RORA: variants seen among roughly 807,000 people sequenced by gnomAD.
RORA encodes nuclear receptor ROR-alpha.
RORA carries 7 observed loss-of-function variants against 69.5 expected under a neutral mutation model. That is an observed-to-expected ratio of 0.10 (90% CI 0.06 to 0.19). The LOEUF is 0.19. Ranked by LOEUF, RORA falls within the 10% of genes least tolerant of loss-of-function variation. The pLI is 1.00. For missense variants in RORA, 457 were observed against 663.0 expected (o/e 0.69, Z 3.41); for synonymous variants, 261 against 240.8 (o/e 1.08, Z -0.78).
chr15:60,864,484 G>GTTTTTTT (rs11388901), intron 1 of RORA, among the ~76,000 whole-genome samples: 1 of 147,562 alleles, frequency 6.8e-6, no homozygotes, highest in Non-Finnish European at 1.5e-5. Context: ...TACCATCCTT[G>GTTTTTTT]TTTTTTTTTT....
rs12592631 is a variant in RORA at position 61,104,584 on chromosome 15, T to G, written c.166+124469A>C. 7.8e-4 allele frequency among the ~76,000 whole-genome samples: 119 copies of G among 152,360 alleles called. 2 individuals carry two copies. In the East Asian group the frequency reaches 0.022, roughly 28 times the overall value. On this transcript the variant is annotated intron_variant, in intron 1 of 10. Coordinates refer to ENST00000335670, the MANE Select transcript of RORA (RefSeq NM_134261.3). ...CATCTGTCAATTGTCTATAAGGTCC[T>G]GATGAGATTTAGCTTTTGCCTACTT...
chr15:60,769,845 C>T (rs2072047617), intron 1 of RORA, among the ~76,000 whole-genome samples: 1 of 152,206 alleles, frequency 6.6e-6, no homozygotes, highest in African/African-American at 2.4e-5. Context: ...TTTCCTACCC[C>T]TTGCATTTTT....
chr15:60,578,423 G>T (rs1044480025), intron 2 of RORA, among the ~76,000 whole-genome samples: 11 of 152,204 alleles, frequency 7.2e-5, no homozygotes, highest in South Asian at 2.1e-4. Flanking sequence ...TTGCCTGAAT[G>T]TATGGGCAGT....
At chr15:60,856,746 C>T (rs186290384) in intron 1 of RORA, among the ~76,000 whole-genome samples, 451 of 152,220 alleles carry the variant, frequency 3.0e-3, no homozygotes, top group Middle Eastern at 6.8e-3. Flanking sequence ...GGACAGGGAA[C>T]GCTGCCTGAA....
intron 1 of RORA, chr15:60,681,869 C>G (rs924716560): frequency 6.6e-6 from 1 of 152,166 alleles, no homozygotes; most frequent in East Asian, 1.9e-4. Context: ...AGTGCTACCA[C>G]CAGCAGTAGC....
intron 1 of RORA, among the ~76,000 whole-genome samples, chr15:61,017,479 A>G (rs934129235): frequency 1.3e-5 from 2 of 152,218 alleles, no homozygotes; most frequent in Admixed American, 1.3e-4. Flanking sequence ...TCTCAAGAAC[A>G]CAAATTGAGT....
intron 2 of RORA, among the ~76,000 whole-genome samples, chr15:60,672,359 G>A (rs1018316200): frequency 8.5e-5 from 13 of 152,088 alleles, no homozygotes; most frequent in African/African-American, 3.1e-4. Flanking sequence ...ATTTAAACTG[G>A]GGATTGCCTT....
chr15:60,712,707 C>T (rs1202945407), intron 1 of RORA, among the ~76,000 whole-genome samples: 4 of 152,174 alleles, frequency 2.6e-5, no homozygotes, highest in Non-Finnish European at 5.9e-5. Flanking sequence ...TCAACACAGT[C>T]CTACTGCTTC....
At chr15:60,873,647 C>G (rs1170498684) in intron 1 of RORA, among the ~76,000 whole-genome samples, 1 of 152,110 alleles carries the variant, frequency 6.6e-6, no homozygotes, top group Non-Finnish European at 1.5e-5. Context: ...AATGACTATA[C>G]AAACTTAGGG....
intron 1 of RORA, among the ~76,000 whole-genome samples, chr15:60,683,462 A>G (rs778425640): frequency 1.3e-5 from 2 of 152,194 alleles, no homozygotes; most frequent in Non-Finnish European, 2.9e-5. Flanking sequence ...AATCAAAGGT[A>G]ACCCCCTGAA....
At chr15:60,746,192 G>C (rs1234432193) in intron 1 of RORA, among the ~76,000 whole-genome samples, 1 of 152,130 alleles carries the variant, frequency 6.6e-6, no homozygotes, top group Non-Finnish European at 1.5e-5. Context: ...GAGTTGAAAA[G>C]CACAAATCCA....
intron 2 of RORA, among the ~76,000 whole-genome samples, chr15:60,637,378 C>T (rs2069859982): frequency 1.3e-5 from 2 of 151,886 alleles, no homozygotes; most frequent in South Asian, 4.1e-4. Context: ...TATCAGTTTG[C>T]TTTTTGTCCT....
chr15:60,929,842 C>A (rs1892324689), intron 1 of RORA, among the ~76,000 whole-genome samples: 2 of 152,128 alleles, frequency 1.3e-5, no homozygotes, highest in South Asian at 2.1e-4. Flanking sequence ...AGATACGGAC[C>A]TGGGAAGTCT....
At chr15:61,010,524 T>C (rs1164501078) in intron 1 of RORA, among the ~76,000 whole-genome samples, 1 of 152,174 alleles carries the variant, frequency 6.6e-6, no homozygotes, top group Admixed American at 6.6e-5. Context: ...GTCTGGCCAA[T>C]TGTATGAATG....
At chr15:60,718,692 C>T (rs1167062046) in intron 1 of RORA, among the ~76,000 whole-genome samples, 2 of 152,158 alleles carry the variant, frequency 1.3e-5, no homozygotes, top group Non-Finnish European at 2.9e-5. Context: ...ATTCATCTAA[C>T]CATCCATGTC....
chr15:60,936,182 TCTATGGCCCTGGGGG>T (rs1892517521), intron 1 of RORA, among the ~76,000 whole-genome samples: 1 of 152,188 alleles, frequency 6.6e-6, no homozygotes, highest in African/African-American at 2.4e-5. Context: ...CCCAGAGGTA[TCTATGGCCCTGGGGG>T]AAGCCCTTCT....
In RORA at chr15:60,505,501, A is replaced by G; in HGVS notation, c.942+7T>C. The G allele has an allele frequency of 6.2e-7, 1 of 1,613,804 alleles. No homozygotes were observed. The highest frequency in any genetic ancestry group is 1.7e-5 in the Admixed American group (1 of 60,008). Reference sequence around the variant, plus strand: ...AATCCTAGGAGGAAAAATTCCTCAGATCATACCTTGTTTTGATAGTTCTCA... The same window carrying G: ...AATCCTAGGAGGAAAAATTCCTCAGGTCATACCTTGTTTTGATAGTTCTCA... On this transcript the variant is annotated splice_region_variant and intron_variant, in intron 6 of 10. Coordinates refer to ENST00000335670, the MANE Select transcript of RORA (RefSeq NM_134261.3).
At chr15:61,060,576 G>A (rs906033790) in intron 1 of RORA, among the ~76,000 whole-genome samples, 1 of 152,138 alleles carries the variant, frequency 6.6e-6, no homozygotes, top group Non-Finnish European at 1.5e-5. Flanking sequence ...CAACCAATGT[G>A]AGCTGCTCAG....
intron 1 of RORA, among the ~76,000 whole-genome samples, chr15:61,094,153 GGTA>G (rs1320341377): frequency 6.6e-6 from 1 of 152,106 alleles, no homozygotes; most frequent in Non-Finnish European, 1.5e-5. Context: ...AGCATCAGGA[GGTA>G]TCCATTCCTG....
Sources: gnomAD v4.1 joint callset for allele counts (sites outside exome capture counted in the v4.1 genomes callset) on GRCh38, gnomAD v4.1.1 for gene constraint, MANE v1.5 for transcripts, NCBI Gene and HGNC (gene_info 2026-07-23, HGNC 2026-07-21) for gene names.